The following ZBED3 variants were observed in gnomAD, a reference collection of about 807,000 sequenced individuals.
ZBED3 encodes the protein zinc finger BED domain-containing protein 3.
For missense variants in ZBED3, 388 were observed against 362.9 expected, an observed-to-expected ratio of 1.07 and a Z score of -0.56; for synonymous variants, 175 against 180.0, an observed-to-expected ratio of 0.97 and a Z score of 0.22.
In ZBED3 at chr5:77,074,889, G is replaced by C. The variant is rs756512967; in HGVS notation, c.*2285C>G. ...CAGTTTCTTTAGCTGTAAAGCCAGC[G>C]CAATGTTACCATGGAGCTGGTATGT... On this transcript the variant is annotated 3_prime_UTR_variant, in exon 3 of 3. Transcript: ENST00000255198. 6.6e-6 allele frequency: 1 copy of C among 152,214 alleles called. No homozygotes were observed. Among genetic ancestry groups the C allele is most frequent in the Admixed American group, 6.5e-5 (1 of 15,274 alleles). The allele number at this position is 152,214 out of a possible 1,614,324, so 9.4% of individuals were successfully genotyped here. A position where few individuals can be genotyped will look rare whatever the true frequency, so the allele number is the denominator to read the frequency against.
intron 1 of ZBED3, among the ~76,000 whole-genome samples, chr5:77,085,344 G>A (rs1743216127): frequency 2.0e-5 from 3 of 152,304 alleles, no homozygotes; most frequent in South Asian, 4.1e-4. Context: ...AAAGTTGATT[G>A]TATTATTTTA....
intron 2 of ZBED3, 91 bp from the exon 3 acceptor site, chr5:77,077,986 A>G (rs1163070864): frequency 1.1e-6 from 1 of 942,948 alleles, no homozygotes; most frequent in Non-Finnish European, 1.4e-6. Context: ...GCCGCCCTCC[A>G]TTTTCTTACC....
chr5:77,077,487 C>A lies in ZBED3; in HGVS notation c.392G>T (p.Arg131Leu). The change falls in exon 3 of 3, where the codon CGC (arginine) becomes CTC (leucine). Residue 131 changes from arginine to leucine, a missense_variant. Coordinates refer to ENST00000255198, the MANE Select transcript of ZBED3 (RefSeq NM_032367.4). ...CAGCGCGCCCATCTGTTCCAGCAGG[C>A]GCGCCCAGTCGCCCTCGGGGGCCGC... ...PAAAPEGDWA[R>L]LLEQMGALAV... 2 of 1,187,730 alleles carry A rather than the reference C, an allele frequency of 1.7e-6. No homozygotes were observed. Among genetic ancestry groups the A allele is most frequent in the Non-Finnish European group, 2.1e-6 (2 of 962,840 alleles). 73.6% of individuals were successfully genotyped at this position (1,187,730 alleles called of 1,614,324 possible).
chr5:77,083,649 G>C (rs1251204172), intron 1 of ZBED3, among the ~76,000 whole-genome samples: 1 of 152,154 alleles, frequency 6.6e-6, no homozygotes, highest in African/African-American at 2.4e-5. Flanking sequence ...ACATGCCCAC[G>C]TTAAGATTTT....
In ZBED3 at chr5:77,075,944, C is replaced by CAT. The variant is rs1159328230; in HGVS notation, c.*1228_*1229dup. ...CCTAGAACTTAAAGTATTATATATA[C>CAT]ATATATATATATATATATATATGTA... On this transcript the variant is annotated 3_prime_UTR_variant, in exon 3 of 3. Coordinates refer to ENST00000255198, the MANE Select transcript of ZBED3 (RefSeq NM_032367.4). 190 of 23,448 alleles carry CAT rather than the reference C, an allele frequency of 8.1e-3. 28 individuals are homozygous for CAT. The highest frequency in any genetic ancestry group is 0.026 in the South Asian group (19 of 740). The allele number at this position is 23,448 out of a possible 1,614,324, so 1.5% of individuals were successfully genotyped here.
rs1332287068 is a variant in ZBED3 at position 77,076,063 on chromosome 5, C to A, written c.*1111G>T. ...TATGTATATATATATATAATATATA[C>A]ACACATAAAGAAAAAAAGAAAAGAA... On this transcript the variant is annotated 3_prime_UTR_variant, in exon 3 of 3. Transcript: ENST00000255198. The A allele has an allele frequency of 1.5e-5, 2 of 131,310 alleles. No individual in the cohort carries two copies. Among genetic ancestry groups the A allele is most frequent in the African/African-American group, 2.9e-5 (1 of 34,790 alleles). The allele number at this position is 131,310 out of a possible 1,614,324, so 8.1% of individuals were successfully genotyped here.
intron 1 of ZBED3, among the ~76,000 whole-genome samples, chr5:77,082,686 A>G (rs1270604568): frequency 6.6e-6 from 1 of 152,198 alleles, no homozygotes; most frequent in African/African-American, 2.4e-5. Context: ...GGTTGAGGCA[A>G]TGGTAACTGA....
At chr5:77,082,241 T>TG (rs1743141832) in intron 1 of ZBED3, among the ~76,000 whole-genome samples, 1 of 148,326 alleles carries the variant, frequency 6.7e-6, no homozygotes, top group Non-Finnish European at 1.5e-5. Flanking sequence ...CATTCCAGCC[T>TG]GGGTGACAAC....
At chr5:77,082,705 G>C (rs1189901818) in intron 1 of ZBED3, among the ~76,000 whole-genome samples, 2 of 152,222 alleles carry the variant, frequency 1.3e-5, no homozygotes, top group African/African-American at 4.8e-5. Context: ...GATGTGAAAG[G>C]AGGGAGAAGG....
At chr5:77,082,644 G>T (rs1743152099) in intron 1 of ZBED3, among the ~76,000 whole-genome samples, 1 of 152,112 alleles carries the variant, frequency 6.6e-6, no homozygotes, top group South Asian at 2.1e-4. Flanking sequence ...GCAATATATA[G>T]CTATAGATGA....
In ZBED3 at chr5:77,073,301, A is replaced by T. The variant is rs191436843; in HGVS notation, c.*3873T>A. Reference sequence around the variant, plus strand: ...TTCCTATGTTTTAATGGTTCTTACAATTGGTGAGATAGAAGAGTAACATTT... The same window carrying T: ...TTCCTATGTTTTAATGGTTCTTACATTTGGTGAGATAGAAGAGTAACATTT... On this transcript the variant is annotated 3_prime_UTR_variant, in exon 3 of 3. Coordinates refer to ENST00000255198, the MANE Select transcript of ZBED3 (RefSeq NM_032367.4). 1 of 152,134 alleles carries T rather than the reference A, an allele frequency of 6.6e-6. No individual in the cohort carries two copies. Among genetic ancestry groups the T allele is most frequent in the Non-Finnish European group, 1.5e-5 (1 of 68,026 alleles). The allele number at this position is 152,134 out of a possible 1,614,324, so 9.4% of individuals were successfully genotyped here. A position where few individuals can be genotyped will look rare whatever the true frequency, so the allele number is the denominator to read the frequency against.
Position 77,076,042 on chromosome 5 carries a change from T to C in ZBED3, c.*1132A>G, listed in dbSNP as rs1441902218. 8.1e-5 allele frequency: 6 copies of C among 74,434 alleles called. No homozygotes were observed. Among genetic ancestry groups the C allele is most frequent in the African/African-American group, 2.5e-4 (6 of 24,424 alleles). The allele number at this position is 74,434 out of a possible 1,614,324, so 4.6% of individuals were successfully genotyped here. A position where few individuals can be genotyped will look rare whatever the true frequency, so the allele number is the denominator to read the frequency against. ...ATATGTATATATATATGTATATATG[T>C]ATATATATATATAATATATACACAC... On this transcript the variant is annotated 3_prime_UTR_variant, in exon 3 of 3. Transcript: ENST00000255198.
rs1254699304 is a variant in ZBED3 at position 77,073,413 on chromosome 5, T to C, written c.*3761A>G. The C allele has an allele frequency of 1.3e-5, 2 of 152,162 alleles. No homozygotes were observed. 9.4% of individuals were successfully genotyped at this position (152,162 alleles called of 1,614,324 possible). Reference sequence around the variant, plus strand: ...TCCATATGAAGAAGTTAAGTTCCAATACTTGAAAATAACTTAGAGTAATAT... The same window carrying C: ...TCCATATGAAGAAGTTAAGTTCCAACACTTGAAAATAACTTAGAGTAATAT... On this transcript the variant is annotated 3_prime_UTR_variant, in exon 3 of 3. Transcript: ENST00000255198.
chr5:77,077,857 A>C lies in ZBED3; in HGVS notation c.22T>G (p.Cys8Gly), dbSNP rs2150740743. 4.0e-6 allele frequency: 5 copies of C among 1,265,764 alleles called. No individual in the cohort carries two copies. Among genetic ancestry groups the C allele is most frequent in the East Asian group, 3.1e-5 (1 of 31,944 alleles). 78.4% of individuals were successfully genotyped at this position (1,265,764 alleles called of 1,614,324 possible). The change falls in exon 3 of 3, where the codon TGC (cysteine) becomes GGC (glycine). Residue 8 changes from cysteine to glycine, a missense_variant. Physicochemically the swap from Cys to Gly is radical, Grantham distance 159 (BLOSUM62 -3). Transcript: ENST00000255198. ...AGCCCGCGGGCCTGGTCCATGGTGC[A>C]GGCCGGCTCGCCACTCCTCATTCTG... MRSGEPA[C>G]TMDQARGLDD...
chr5:77,084,556 G>C (rs149668898), intron 1 of ZBED3, among the ~76,000 whole-genome samples: 2 of 152,276 alleles, frequency 1.3e-5, no homozygotes, highest in Non-Finnish European at 2.9e-5. Context: ...GCCCAGTCTT[G>C]GGTATGTCTT....
intron 1 of ZBED3, chr5:77,078,929 G>A (rs1285717369): frequency 6.6e-6 from 1 of 152,106 alleles, no homozygotes; most frequent in Non-Finnish European, 1.5e-5. Context: ...CTACATATTT[G>A]CAAGATACAA....
rs1742979296 is a variant in ZBED3, at chr5:77,075,979, ATGTATATATATATGTATATATG to A, written c.*1173_*1194del. On this transcript the variant is annotated 3_prime_UTR_variant, in exon 3 of 3. Coordinates refer to ENST00000255198, the MANE Select transcript of ZBED3 (RefSeq NM_032367.4). ...TATATATATATATGTATATGTATAT[ATGTATATATATATGTATATATG>A]TATATATATATGTATATATGTATAT... The A allele has an allele frequency of 1.4e-3, 52 of 37,296 alleles. 10 individuals carry two copies. Among genetic ancestry groups the A allele is most frequent in the African/African-American group, 4.0e-3 (32 of 8,084 alleles). The allele number at this position is 37,296 out of a possible 1,614,324, so 2.3% of individuals were successfully genotyped here.
Position 77,077,377 on chromosome 5 carries a change from GCCTCCGCTCCAGGGCGCGCTCGCCCTGCT to G in ZBED3, c.473_501del (p.Glu158AlafsTer36). 8.0e-7 allele frequency: 1 copy of G among 1,254,162 alleles called. No individual in the cohort carries two copies. The highest frequency in any genetic ancestry group is 3.4e-5 in the East Asian group (1 of 29,158). The allele number at this position is 1,254,162 out of a possible 1,614,324, so 77.7% of individuals were successfully genotyped here. Reference sequence around the variant, plus strand: ...CGCTCTTCCTCCTGCAGCGCCCTCCGCCTCCGCTCCAGGGCGCGCTCGCCCTGCTCCACGGCCAGCTCGCGCCGCTCCAG... The same window carrying G: ...CGCTCTTCCTCCTGCAGCGCCCTCCGCCACGGCCAGCTCGCGCCGCTCCAG... On this transcript the variant is annotated frameshift_variant, in exon 3 of 3. Coordinates refer to ENST00000255198, the MANE Select transcript of ZBED3 (RefSeq NM_032367.4). LOFTEE classifies it low-confidence loss of function (END_TRUNC).
intron 1 of ZBED3, among the ~76,000 whole-genome samples, chr5:77,084,234 G>T (rs1743188714): frequency 6.6e-6 from 1 of 152,150 alleles, no homozygotes; most frequent in African/African-American, 2.4e-5. Flanking sequence ...GTGTGATATG[G>T]TTTGGCTGTG....
Sources: gnomAD v4.1 joint callset for allele counts (sites outside exome capture counted in the v4.1 genomes callset) on GRCh38, gnomAD v4.1.1 for gene constraint, MANE v1.5 for transcripts, NCBI Gene and HGNC (gene_info 2026-07-23, HGNC 2026-07-21) for gene names.